FRY: variants seen among roughly 807,000 people sequenced by gnomAD.
FRY encodes FRY microtubule binding protein, also known as protein furry homolog.
A neutral mutation model predicts 348.4 loss-of-function variants in FRY; 128 were observed. That is an observed-to-expected ratio of 0.37 (90% CI 0.32 to 0.43). FRY has a LOEUF of 0.43. FRY is among the 20% of genes least tolerant of loss of function. The pLI, the probability that FRY is intolerant of heterozygous loss-of-function variation, is 1.00. For missense variants in FRY, 2,736 were observed against 3,695.2 expected, an observed-to-expected ratio of 0.74 and a Z score of 6.73; for synonymous variants, 1,370 against 1,374.7, an observed-to-expected ratio of 1.00 and a Z score of 0.08.
At chr13:32,114,077 A>T (rs1213877714) in intron 3 of FRY, among the ~76,000 whole-genome samples, 2 of 152,184 alleles carry the variant, frequency 1.3e-5, no homozygotes, top group Non-Finnish European at 2.9e-5. Flanking sequence ...CACATACATG[A>T]GGTAGCGGAA....
chr13:32,248,081 T>G (rs994892399), intron 48 of FRY, among the ~76,000 whole-genome samples: 2 of 152,142 alleles, frequency 1.3e-5, no homozygotes, highest in Non-Finnish European at 1.5e-5. Flanking sequence ...GAACAAATAT[T>G]TGGGAGGCTT....
At chr13:32,159,316 A>G (rs1881310505) in intron 16 of FRY, among the ~76,000 whole-genome samples, 1 of 152,124 alleles carries the variant, frequency 6.6e-6, no homozygotes, top group South Asian at 2.1e-4. Flanking sequence ...AGGCCCACAC[A>G]ACACTAATGG....
intron 7 of FRY, among the ~76,000 whole-genome samples, chr13:32,125,109 C>T (rs751968304): frequency 7.2e-5 from 11 of 152,196 alleles, no homozygotes; most frequent in Non-Finnish European, 1.6e-4. Context: ...CATACTGTTG[C>T]ATCAAAGAAA....
At chr13:32,231,575 C>A (rs922450928) in intron 41 of FRY, among the ~76,000 whole-genome samples, 1 of 152,220 alleles carries the variant, frequency 6.6e-6, no homozygotes, top group Non-Finnish European at 1.5e-5. Context: ...GTGCCTATAA[C>A]ATTTTCTTTA....
At chr13:32,128,106 T>C (rs1250801377) in intron 7 of FRY, among the ~76,000 whole-genome samples, 2 of 152,226 alleles carry the variant, frequency 1.3e-5, no homozygotes, top group African/African-American at 4.8e-5. Context: ...TGCATTTTTA[T>C]AATCTTGATT....
chr13:32,272,917 T>A (rs1903366), intron 55 of FRY, among the ~76,000 whole-genome samples: 45,233 of 151,334 alleles, frequency 0.3, 7,529 homozygotes, highest in Middle Eastern at 0.45. Flanking sequence ...TTGGTATTTT[T>A]TTTTTTTTAG....
rs1479665248 is a variant in FRY, at chr13:32,298,743, A to C, written c.*3283A>C. ...AGGAAAAGAGCATTCCAGCAAAGGA[A>C]AAAACACATGCAGAGACCCTGAAGG... is the stretch of plus-strand genomic sequence containing the variant. On this transcript the variant is annotated 3_prime_UTR_variant, in exon 61 of 61. Coordinates refer to ENST00000542859, the MANE Select transcript of FRY (RefSeq NM_023037.3). 6.6e-6 allele frequency: 1 copy of C among 152,294 alleles called. No individual in the cohort carries two copies. The highest frequency in any genetic ancestry group is 1.5e-5 in the Non-Finnish European group (1 of 68,082). The allele number at this position is 152,294 out of a possible 1,614,324, so 9.4% of individuals were successfully genotyped here. A position where few individuals can be genotyped will look rare whatever the true frequency, so the allele number is the denominator to read the frequency against.
At chr13:32,275,145 G>A (rs532911912) in intron 56 of FRY, 154 bp downstream of exon 56, 34 of 646,772 alleles carry the variant, frequency 5.3e-5, no homozygotes, top group Middle Eastern at 2.6e-4. Context: ...TTGGGAGGCC[G>A]AGGTGGGCGG....
intron 1 of FRY, among the ~76,000 whole-genome samples, chr13:32,044,184 A>G (rs1319638218): frequency 1.3e-5 from 2 of 152,240 alleles, no homozygotes; most frequent in Admixed American, 1.3e-4. Flanking sequence ...AATGCCCTTA[A>G]TATTTCCCTT....
chr13:32,177,738 A>G (rs1882457391), intron 20 of FRY, among the ~76,000 whole-genome samples: 1 of 152,230 alleles, frequency 6.6e-6, no homozygotes, highest in Admixed American at 6.5e-5. Context: ...GGAAAGATAG[A>G]GAAGATCATA....
intron 27 of FRY, 81 bp from the exon 28 acceptor site, chr13:32,187,465 A>AT: frequency 1.2e-6 from 1 of 830,372 alleles, no homozygotes; most frequent in Admixed American, 1.8e-5. Context: ...AATTCTGACA[A>AT]TTATGGTTTA....
chr13:32,033,185 A>G (rs1593546880), intron 1 of FRY, among the ~76,000 whole-genome samples: 1 of 152,320 alleles, frequency 6.6e-6, no homozygotes, highest in African/African-American at 2.4e-5. Flanking sequence ...TGTCATAGCT[A>G]TAAATCATTT....
rs571074655 is a variant in FRY, at chr13:32,067,481, A to G, written c.71-11353A>G. On this transcript the variant is annotated intron_variant, in intron 1 of 60. Transcript: ENST00000542859. ...TTAATGAAACCAGAGAAGTGAAGAT[A>G]CAACTGGAAAGGTCAGGATTATTTG... Among the ~76,000 whole-genome samples, 12 of 152,338 alleles carry G rather than the reference A, an allele frequency of 7.9e-5. No homozygotes were observed. In the South Asian group the frequency reaches 2.3e-3, roughly 29 times the overall value.
chr13:32,089,890 C>A (rs1004631675), intron 2 of FRY, among the ~76,000 whole-genome samples: 2 of 152,096 alleles, frequency 1.3e-5, no homozygotes, highest in African/African-American at 4.8e-5. Context: ...AAAATGGCCA[C>A]CAGATTTGCC....
intron 4 of FRY, among the ~76,000 whole-genome samples, chr13:32,121,423 G>C (rs557601774): frequency 5.9e-4 from 90 of 152,222 alleles, no homozygotes; most frequent in African/African-American, 2.1e-3. Flanking sequence ...CTGCATCCAC[G>C]CCAACATCTA....
At chr13:32,266,686 A>C (rs1887944157) in intron 54 of FRY, among the ~76,000 whole-genome samples, 1 of 152,198 alleles carries the variant, frequency 6.6e-6, no homozygotes. Context: ...GAATCGTGAA[A>C]GAATCCGTGA....
At chr13:32,087,353 C>T (rs1054118203) in intron 2 of FRY, among the ~76,000 whole-genome samples, 2 of 152,144 alleles carry the variant, frequency 1.3e-5, no homozygotes, top group Non-Finnish European at 2.9e-5. Context: ...TTCCTTGGCC[C>T]AGAGTCTGAG....
chr13:32,133,764 C>CTTTTTTTTTTTTTTTTTT (rs1259372646), intron 8 of FRY, among the ~76,000 whole-genome samples: 50 of 108,462 alleles, frequency 4.6e-4, no homozygotes, highest in Non-Finnish European at 7.5e-4. Context: ...TTCTTTCTTT[C>CTTTTTTTTTTTTTTTTTT]TTTCTTTTTT....
intron 1 of FRY, among the ~76,000 whole-genome samples, chr13:32,041,002 T>C (rs1478111519): frequency 6.6e-6 from 1 of 152,210 alleles, no homozygotes; most frequent in Non-Finnish European, 1.5e-5. Flanking sequence ...TGTGACAGCA[T>C]TAAAGAATTT....
Sources: gnomAD v4.1 joint callset for allele counts (sites outside exome capture counted in the v4.1 genomes callset) on GRCh38, gnomAD v4.1.1 for gene constraint, MANE v1.5 for transcripts, NCBI Gene and HGNC (gene_info 2026-07-23, HGNC 2026-07-21) for gene names.